Variants in HACD4 observed in about 807,000 individuals in gnomAD.
HACD4 encodes 3-hydroxyacyl-CoA dehydratase 4.
HACD4 carries 35 observed loss-of-function variants against 33.3 expected under a neutral mutation model. The observed-to-expected ratio is 1.05, with a 90% CI of 0.80 to 1.39. HACD4 has a LOEUF of 1.39. HACD4 is among the 40% of genes most tolerant of loss of function. HACD4 has a pLI of 0.00. For synonymous variants in HACD4, 118 were observed against 98.0 expected (o/e 1.20, Z -1.21); for missense variants, 323 against 276.5 (o/e 1.17, Z -1.19).
At chr9:21,019,964 T>G (rs551905433) in intron 3 of HACD4, among the ~76,000 whole-genome samples, 2 of 152,178 alleles carry the variant, frequency 1.3e-5, no homozygotes, top group Admixed American at 1.3e-4. Context: ...AAAAAGGAAT[T>G]CCTTTGGGAA....
chr9:21,022,949 CAA>C (rs1441016569), intron 3 of HACD4, among the ~76,000 whole-genome samples: 1 of 151,974 alleles, frequency 6.6e-6, no homozygotes, highest in Non-Finnish European at 1.5e-5. Flanking sequence ...TTCACAATAG[CAA>C]AGACTTGGAA....
intron 3 of HACD4, among the ~76,000 whole-genome samples, chr9:21,023,963 C>G (rs527419490): frequency 6.6e-6 from 1 of 152,356 alleles, no homozygotes; most frequent in East Asian, 1.9e-4. Flanking sequence ...CAGCCACTCT[C>G]TTAACTACAG....
At chr9:21,011,065 G>C (rs1317328383) in intron 5 of HACD4, among the ~76,000 whole-genome samples, 3 of 152,086 alleles carry the variant, frequency 2.0e-5, no homozygotes, top group South Asian at 2.1e-4. Context: ...CTAGTTTGGG[G>C]GCCCCTGCTA....
intron 2 of HACD4, among the ~76,000 whole-genome samples, chr9:21,027,647 G>A (rs1478475300): frequency 6.6e-6 from 1 of 152,194 alleles, no homozygotes; most frequent in Non-Finnish European, 1.5e-5. Context: ...ACAGCTCCGT[G>A]AAGGAAGAAG....
At chr9:21,011,741 C>A (rs759965519) in intron 4 of HACD4, 46 bp from the exon 5 acceptor site, 5 of 1,019,664 alleles carry the variant, frequency 4.9e-6, no homozygotes, top group Non-Finnish European at 7.5e-6. Flanking sequence ...CTGCTAATAT[C>A]TGGGAAATAG....
chr9:21,029,403 A>T lies in HACD4; in HGVS notation c.39-5T>A. ...AGATACGCATTCTTCCTATACCTAT[A>T]AATACAGGAAAATACCATTAAACAC... is the stretch of plus-strand genomic sequence containing the variant. On this transcript the variant is annotated splice_polypyrimidine_tract_variant and splice_region_variant and intron_variant, in intron 1 of 6. Coordinates refer to ENST00000495827, the MANE Select transcript of HACD4 (RefSeq NM_001010915.5). 1 of 1,442,310 alleles carries T rather than the reference A, an allele frequency of 6.9e-7. No homozygotes were observed. The highest frequency in any genetic ancestry group is 9.7e-7 in the Non-Finnish European group (1 of 1,035,380). 89.3% of individuals were successfully genotyped at this position (1,442,310 alleles called of 1,614,324 possible).
At chr9:21,024,213 T>A (rs1205377711) in intron 3 of HACD4, among the ~76,000 whole-genome samples, 4 of 152,204 alleles carry the variant, frequency 2.6e-5, no homozygotes, top group African/African-American at 9.6e-5. Context: ...GATGATAAAT[T>A]AATAAAAGAA....
intron 4 of HACD4, among the ~76,000 whole-genome samples, chr9:21,012,742 G>C (rs1473140604): frequency 1.3e-5 from 2 of 152,038 alleles, no homozygotes; most frequent in African/African-American, 4.8e-5. Flanking sequence ...CATATTAGAA[G>C]AGTGGGTAAG....
At chr9:21,030,852 G>A (rs11789272) in intron 1 of HACD4, among the ~76,000 whole-genome samples, 46,574 of 152,084 alleles carry the variant, frequency 0.31, 7,600 homozygotes, top group East Asian at 0.54. Flanking sequence ...GATGGTTTGA[G>A]GGAGTTAGGA....
intron 5 of HACD4, among the ~76,000 whole-genome samples, chr9:21,011,115 AG>A (rs1005404140): frequency 6.6e-6 from 1 of 152,162 alleles, no homozygotes; most frequent in African/African-American, 2.4e-5. Context: ...AACTCAGTTG[AG>A]GAAGTCAGGG....
rs62558318 is a variant in HACD4 at position 21,004,769 on chromosome 9, C to G, written c.*2268G>C. 37,777 of 152,058 alleles carry G rather than the reference C, an allele frequency of 0.25. 5,035 individuals carry two copies. Among genetic ancestry groups the G allele is most frequent in the Middle Eastern group, 0.35 (104 of 294 alleles). The allele number at this position is 152,058 out of a possible 1,614,324, so 9.4% of individuals were successfully genotyped here. A position where few individuals can be genotyped will look rare whatever the true frequency, so the allele number is the denominator to read the frequency against. On this transcript the variant is annotated 3_prime_UTR_variant, in exon 7 of 7. Transcript: ENST00000495827. The surrounding 1 kb of genome is among the most constrained non-coding windows in gnomAD (Gnocchi z 4.6). ...CCAAGAAGTGTGGTGATGCTATAACCAATATATAAAGATGTGGAAGCAGCT... is the reference window on the plus strand; with the variant it reads ...CCAAGAAGTGTGGTGATGCTATAACGAATATATAAAGATGTGGAAGCAGCT...
rs191647877 is a variant in HACD4 at position 21,004,811 on chromosome 9, G to A, written c.*2226C>T. 342 of 150,882 alleles carry A rather than the reference G, an allele frequency of 2.3e-3. 1 individual carries two copies. Among genetic ancestry groups the A allele is most frequent in the Non-Finnish European group, 4.1e-3 (276 of 66,930 alleles). The allele number at this position is 150,882 out of a possible 1,614,324, so 9.3% of individuals were successfully genotyped here. On this transcript the variant is annotated 3_prime_UTR_variant, in exon 7 of 7. Transcript: ENST00000495827. This position sits in a 1 kb window ranked among gnomAD's most constrained non-coding sequence, Gnocchi z 4.6. ...GAAGCAGCTTTGACGTTAGGTAACAGATAGAAGCTGGAAGAGTTTTGAGGT... is the reference window on the plus strand; with the variant it reads ...GAAGCAGCTTTGACGTTAGGTAACAAATAGAAGCTGGAAGAGTTTTGAGGT...
rs1435414976 is a variant in HACD4, at chr9:21,000,035, T to G, written c.*7002A>C. ...TCAGTTAGTAAATAATGGAGCTTGA[T>G]CTCAAATCAAACCTAGTGCTCTTAA... On this transcript the variant is annotated 3_prime_UTR_variant, in exon 7 of 7. Coordinates refer to ENST00000495827, the MANE Select transcript of HACD4 (RefSeq NM_001010915.5). The G allele has an allele frequency of 6.6e-6, 1 of 152,142 alleles. No individual in the cohort carries two copies. Among genetic ancestry groups the G allele is most frequent in the Admixed American group, 6.5e-5 (1 of 15,280 alleles). 9.4% of individuals were successfully genotyped at this position (152,142 alleles called of 1,614,324 possible).
rs1402786095 is a variant in HACD4, at chr9:21,002,758, T to G, written c.*4279A>C. On this transcript the variant is annotated 3_prime_UTR_variant, in exon 7 of 7. Transcript: ENST00000495827. Reference sequence around the variant, plus strand: ...AATTACTGAAAAAAGTTGTCTTAGATATGTTTTCAAAATATCTAATGGTTC... The same window carrying G: ...AATTACTGAAAAAAGTTGTCTTAGAGATGTTTTCAAAATATCTAATGGTTC... 1 of 152,208 alleles carries G rather than the reference T, an allele frequency of 6.6e-6. No individual in the cohort carries two copies. Among genetic ancestry groups the G allele is most frequent in the Non-Finnish European group, 1.5e-5 (1 of 68,020 alleles). The allele number at this position is 152,208 out of a possible 1,614,324, so 9.4% of individuals were successfully genotyped here.
intron 3 of HACD4, among the ~76,000 whole-genome samples, chr9:21,019,851 A>AT (rs1817859919): frequency 8.1e-6 from 1 of 123,156 alleles, no homozygotes; most frequent in African/African-American, 2.8e-5. Context: ...AATCTATGTG[A>AT]TTTTAATGGA....
chr9:21,013,066 CAAAAAAA>C, intron 4 of HACD4, among the ~76,000 whole-genome samples: 1 of 69,056 alleles, frequency 1.4e-5, no homozygotes. Context: ...GACTCCATCT[CAAAAAAA>C]AAAAAAAAAA....
chr9:21,020,886 G>C (rs910641169), intron 3 of HACD4, among the ~76,000 whole-genome samples: 1 of 152,054 alleles, frequency 6.6e-6, no homozygotes, highest in Non-Finnish European at 1.5e-5. Flanking sequence ...TTTAGTCAAT[G>C]GGTTTTTTCC....
intron 3 of HACD4, among the ~76,000 whole-genome samples, chr9:21,020,183 A>T (rs1337517958): frequency 6.6e-6 from 1 of 152,012 alleles, no homozygotes; most frequent in Non-Finnish European, 1.5e-5. Flanking sequence ...GAGAAATTTT[A>T]AAAATTGAGT....
chr9:21,029,862 G>C (rs1440933320), intron 1 of HACD4, among the ~76,000 whole-genome samples: 14 of 151,122 alleles, frequency 9.3e-5, no homozygotes, highest in Admixed American at 9.2e-4. Context: ...GCGGCCTGAT[G>C]CCGCGGCCCA....
Sources: allele counts gnomAD v4.1 joint callset (sites outside exome capture counted in the v4.1 genomes callset), GRCh38; gene constraint gnomAD v4.1.1; non-coding constraint Gnocchi (gnomAD v3.1); transcripts MANE v1.5; gene names NCBI Gene and HGNC (gene_info 2026-07-23, HGNC 2026-07-21).